Variants in LHFPL3 observed in about 807,000 individuals in gnomAD.
LHFPL3 encodes LHFPL tetraspan subfamily member 3 protein.
Under a neutral mutation model 19.3 loss-of-function variants are expected in LHFPL3, and 5 were observed. The observed-to-expected ratio is 0.26, with a 90% CI of 0.14 to 0.54. The LOEUF is 0.54. Ranked by LOEUF, LHFPL3 falls within the 20% of genes least tolerant of loss-of-function variation. The pLI is 0.94. For missense variants in LHFPL3, 249 were observed against 307.4 expected (o/e 0.81, Z 1.42); for synonymous variants, 133 against 126.2 (o/e 1.05, Z -0.36).
chr7:104,733,098 A>G (rs1023235650), intron 1 of LHFPL3, among the ~76,000 whole-genome samples: 1 of 152,180 alleles, frequency 6.6e-6, no homozygotes, highest in East Asian at 1.9e-4. Context: ...ACAGTTTGTT[A>G]TAATTTCTGT....
chr7:104,711,302 A>C (rs1353662534), intron 1 of LHFPL3, among the ~76,000 whole-genome samples: 2 of 152,250 alleles, frequency 1.3e-5, no homozygotes, highest in African/African-American at 4.8e-5. Context: ...GCTGCAATTC[A>C]GATGAGTTCA....
At chr7:104,416,888 G>A (rs1791632256) in intron 1 of LHFPL3, among the ~76,000 whole-genome samples, 1 of 152,168 alleles carries the variant, frequency 6.6e-6, no homozygotes, top group Admixed American at 6.6e-5. Context: ...CATGGTGGAA[G>A]GCAGAAAGGC....
intron 1 of LHFPL3, among the ~76,000 whole-genome samples, chr7:104,584,581 A>C (rs1007897719): frequency 1.2e-4 from 19 of 152,150 alleles, no homozygotes; most frequent in African/African-American, 4.6e-4. Context: ...AGTGTAACCA[A>C]CTAATAAGCT....
rs1554422406 is a variant in LHFPL3 at position 104,668,726 on chromosome 7, C to CA, written c.446-67949_446-67948insA. ...GGCGTGATGATAGAGGTCCCCCCCCCCCCAAAGACCCAAACTGAATCTAAA... is the reference window on the plus strand; with the variant it reads ...GGCGTGATGATAGAGGTCCCCCCCCCACCCAAAGACCCAAACTGAATCTAAA... On this transcript the variant is annotated intron_variant, in intron 1 of 2. Transcript: ENST00000424859. 11 of 1,584,640 alleles carry CA rather than the reference C, an allele frequency of 6.9e-6. No individual in the cohort carries two copies. The East Asian group carries it at 1.6e-4, about 23-fold the overall frequency.
chr7:104,518,556 G>A (rs928958505), intron 1 of LHFPL3, among the ~76,000 whole-genome samples: 1 of 152,152 alleles, frequency 6.6e-6, no homozygotes. Flanking sequence ...GGCTGAGGCA[G>A]GCAGGTCACC....
chr7:104,529,146 G>A (rs1477474955), intron 1 of LHFPL3, among the ~76,000 whole-genome samples: 1 of 152,094 alleles, frequency 6.6e-6, no homozygotes, highest in East Asian at 1.9e-4. Context: ...TGATTCTGAT[G>A]GGATCAAATG....
intron 1 of LHFPL3, among the ~76,000 whole-genome samples, chr7:104,430,388 A>ATTTTTTTTTTTTTTGATATACATG (rs1554393127): frequency 2.0e-5 from 1 of 50,054 alleles, no homozygotes; most frequent in African/African-American, 1.1e-4. Flanking sequence ...ATATACATAT[A>ATTTTTTTTTTTTTTGATATACATG]TATATATATA....
At chr7:104,768,124 T>C (rs1473287256) in intron 2 of LHFPL3, among the ~76,000 whole-genome samples, 3 of 132,382 alleles carry the variant, frequency 2.3e-5, no homozygotes, top group Non-Finnish European at 4.7e-5. Context: ...CCAAACACCC[T>C]TGTGATTATT....
chr7:104,480,001 T>A (rs1334872769), intron 1 of LHFPL3, among the ~76,000 whole-genome samples: 1 of 152,204 alleles, frequency 6.6e-6, no homozygotes, highest in Non-Finnish European at 1.5e-5. Context: ...AACTTTAGGA[T>A]GAAGGTTATG....
chr7:104,710,553 G>A (rs375861847), intron 1 of LHFPL3, among the ~76,000 whole-genome samples: 3 of 152,116 alleles, frequency 2.0e-5, no homozygotes, highest in East Asian at 3.9e-4. Flanking sequence ...TGGTTAAGAG[G>A]TAAAACAGCC....
intron 2 of LHFPL3, among the ~76,000 whole-genome samples, chr7:104,746,481 G>T (rs569522329): frequency 6.6e-6 from 1 of 152,170 alleles, no homozygotes; most frequent in African/African-American, 2.4e-5. Flanking sequence ...AAGCCAAGGC[G>T]CAGAGAGAGG....
rs568703204 is a variant in LHFPL3 at position 104,690,241 on chromosome 7, T to C, written c.446-46434T>C. Reference sequence around the variant, plus strand: ...AGCTGCTGTACCAGATGTGGTTTCATTGCTTAAACAAATTAACACATCTCC... The same window carrying C: ...AGCTGCTGTACCAGATGTGGTTTCACTGCTTAAACAAATTAACACATCTCC... On this transcript the variant is annotated intron_variant, in intron 1 of 2. Transcript: ENST00000424859. Among the ~76,000 whole-genome samples, 353 of 152,360 alleles carry C rather than the reference T, an allele frequency of 2.3e-3. 3 individuals carry two copies. The highest frequency in any genetic ancestry group is 7.9e-3 in the African/African-American group (329 of 41,586).
chr7:104,535,043 A>T (rs1044071548), intron 1 of LHFPL3, among the ~76,000 whole-genome samples: 1 of 152,096 alleles, frequency 6.6e-6, no homozygotes, highest in East Asian at 1.9e-4. Context: ...GTAGGGACAG[A>T]AAGTTCTGAA....
chr7:104,501,122 T>C (rs1242361806), intron 1 of LHFPL3, among the ~76,000 whole-genome samples: 1 of 152,162 alleles, frequency 6.6e-6, no homozygotes, highest in Non-Finnish European at 1.5e-5. Flanking sequence ...TCAATAAATG[T>C]TTATTGATTG....
At chr7:104,614,237 A>C (rs138298244) in intron 1 of LHFPL3, among the ~76,000 whole-genome samples, 1 of 152,280 alleles carries the variant, frequency 6.6e-6, no homozygotes, top group African/African-American at 2.4e-5. Flanking sequence ...TCTGTCTGCT[A>C]TATGCCATCA....
chr7:104,359,795 A>G (rs1388041032), intron 1 of LHFPL3, among the ~76,000 whole-genome samples: 1 of 152,282 alleles, frequency 6.6e-6, no homozygotes, highest in East Asian at 1.9e-4. Flanking sequence ...TCTAATTGCC[A>G]TTGCTGGCAT....
At chr7:104,633,155 T>A (rs2115857039) in intron 1 of LHFPL3, among the ~76,000 whole-genome samples, 1 of 152,338 alleles carries the variant, frequency 6.6e-6, no homozygotes, top group South Asian at 2.1e-4. Context: ...CAACCCTGGC[T>A]AAGGCTTCTA....
At chr7:104,445,467 C>T (rs1453071094) in intron 1 of LHFPL3, among the ~76,000 whole-genome samples, 1 of 152,154 alleles carries the variant, frequency 6.6e-6, no homozygotes, top group East Asian at 1.9e-4. Context: ...AAATTAAATG[C>T]AGTAATCAAT....
chr7:104,396,958 G>A (rs1472881168), intron 1 of LHFPL3, among the ~76,000 whole-genome samples: 1 of 152,072 alleles, frequency 6.6e-6, no homozygotes, highest in African/African-American at 2.4e-5. Context: ...GCAACAGAGT[G>A]AGACACTGTC....
Sources: gnomAD v4.1 joint callset for allele counts (sites outside exome capture counted in the v4.1 genomes callset) on GRCh38, gnomAD v4.1.1 for gene constraint, MANE v1.5 for transcripts, NCBI Gene and HGNC (gene_info 2026-07-23, HGNC 2026-07-21) for gene names.